The following RAE1 variants were observed in gnomAD, a reference collection of about 807,000 sequenced individuals.
RAE1 encodes mRNA export factor RAE1.
Under a neutral mutation model 52.7 loss-of-function variants are expected in RAE1, and 13 were observed. The observed-to-expected ratio is 0.25, with a 90% CI of 0.16 to 0.39. The LOEUF is 0.39. Ranked by LOEUF, RAE1 falls within the 10% of genes least tolerant of loss-of-function variation. The pLI is 1.00. For synonymous variants in RAE1, 164 were observed against 153.1 expected (o/e 1.07, Z -0.52); for missense variants, 262 against 459.8 (o/e 0.57, Z 3.93).
chr20:57,360,744 G>T (rs6092465), intron 4 of RAE1, among the ~76,000 whole-genome samples: 6,170 of 152,150 alleles, frequency 0.041, 191 homozygotes, highest in African/African-American at 0.091. Flanking sequence ...CCATGGTGGC[G>T]GGCACGAAAT....
chr20:57,367,427 C>T (rs1364780746), intron 7 of RAE1, among the ~76,000 whole-genome samples: 6 of 152,112 alleles, frequency 3.9e-5, no homozygotes, highest in African/African-American at 7.2e-5. Context: ...TCTTTGGGGA[C>T]TGTTTCTGAG....
chr20:57,358,304 G>A (rs1477507354), intron 4 of RAE1: 1 of 152,236 alleles, frequency 6.6e-6, no homozygotes, highest in African/African-American at 2.4e-5. Flanking sequence ...TTCATTCGAT[G>A]AGTGTAAGGA....
intron 1 of RAE1, among the ~76,000 whole-genome samples, chr20:57,353,496 T>A (rs1489196207): frequency 6.6e-6 from 1 of 152,220 alleles, no homozygotes; most frequent in Non-Finnish European, 1.5e-5. Context: ...TTAAAACTTT[T>A]ACGAAGAAAT....
At chr20:57,355,620 A>G (rs2066774220) in intron 3 of RAE1, among the ~76,000 whole-genome samples, 1 of 152,226 alleles carries the variant, frequency 6.6e-6, no homozygotes, top group South Asian at 2.1e-4. Flanking sequence ...AACCTTTATA[A>G]CAGCCAAAGC....
intron 8 of RAE1, among the ~76,000 whole-genome samples, chr20:57,370,709 C>T (rs2067024153): frequency 6.6e-6 from 1 of 152,226 alleles, no homozygotes; most frequent in Non-Finnish European, 1.5e-5. Context: ...CTACTTTATA[C>T]GTATGTATGG....
chr20:57,366,033 C>CA (rs573796470), intron 5 of RAE1, among the ~76,000 whole-genome samples: 98 of 152,252 alleles, frequency 6.4e-4, no homozygotes, highest in Middle Eastern at 3.4e-3. Flanking sequence ...TTCAGGAAGG[C>CA]ACTGCATACT....
chr20:57,358,797 CACTT>C (rs2066840595), intron 4 of RAE1: 1 of 434,722 alleles, frequency 2.3e-6, no homozygotes, highest in Non-Finnish European at 4.0e-6. Context: ...TGTAATAACT[CACTT>C]AGACTTGTGT....
rs908834442 is a variant in RAE1 at position 57,375,800 on chromosome 20, C to G, written c.1020+999C>G. Reference sequence around the variant, plus strand: ...TCCAGTCCAGAAGCTTCCTTTCTGTCTGTGCCGGTCACTCACCCGTCCCTT... The same window carrying G: ...TCCAGTCCAGAAGCTTCCTTTCTGTGTGTGCCGGTCACTCACCCGTCCCTT... On this transcript the variant is annotated intron_variant, in intron 11 of 11. Coordinates refer to ENST00000395841, the MANE Select transcript of RAE1 (RefSeq NM_003610.4). Among the ~76,000 whole-genome samples the G allele has an allele frequency of 2.6e-5, 4 of 152,324 alleles. No individual in the cohort carries two copies. In the South Asian group the frequency reaches 8.3e-4, roughly 32 times the overall value.
rs748216970 is a variant in RAE1, at chr20:57,366,906, G to A, written c.462+13G>A. 3.1e-6 allele frequency: 5 copies of A among 1,602,134 alleles called. No individual in the cohort carries two copies. Among genetic ancestry groups the A allele is most frequent in the South Asian group, 1.1e-5 (1 of 90,830 alleles). On this transcript the variant is annotated intron_variant, in intron 6 of 11. Coordinates refer to ENST00000395841, the MANE Select transcript of RAE1 (RefSeq NM_003610.4). ...TAAGACTTTAAAGGTATAATGTGCA[G>A]TTGAGGCATTGTTTGGCCCCATCAG...
chr20:57,362,471 GTA>G (rs1271918529), intron 4 of RAE1, among the ~76,000 whole-genome samples: 1 of 152,210 alleles, frequency 6.6e-6, no homozygotes, highest in Non-Finnish European at 1.5e-5. Context: ...CATTTCTAAT[GTA>G]TTTTGTCTGT....
intron 4 of RAE1, chr20:57,358,988 G>A: frequency 6.6e-7 from 1 of 1,509,210 alleles, no homozygotes; most frequent in Admixed American, 2.1e-5. Context: ...TTCACGGATA[G>A]ATCAATTTCA....
intron 1 of RAE1, 94 bp from the exon 2 acceptor site, chr20:57,353,938 T>G: frequency 8.9e-7 from 1 of 1,120,782 alleles, no homozygotes; most frequent in East Asian, 2.4e-5. Context: ...CAAGCCACTT[T>G]GAGTATTTCT....
At position 57,369,598 on chromosome 20, in the gene RAE1, G is replaced by C. The variant is rs2067005929; in HGVS notation, c.642+786G>C. Among the ~76,000 whole-genome samples, 3 of 152,132 alleles carry C rather than the reference G, an allele frequency of 2.0e-5. No homozygotes were observed. The South Asian group carries it at 6.2e-4, about 31-fold the overall frequency. ...GTCTATTTTGGGGCAAAATATTTTG[G>C]TTTCCTTGAGAATAAAATTACACAT... On this transcript the variant is annotated intron_variant, in intron 8 of 11. Coordinates refer to ENST00000395841, the MANE Select transcript of RAE1 (RefSeq NM_003610.4).
chr20:57,354,850 ATC>A (rs757416573), intron 3 of RAE1, 34 bp downstream of exon 3: 13 of 1,487,870 alleles, frequency 8.7e-6, no homozygotes, highest in Non-Finnish European at 1.2e-5. Flanking sequence ...TCTAGAAATC[ATC>A]TCTCTTTGTA....
chr20:57,366,176 C>T (rs114432966), intron 5 of RAE1, among the ~76,000 whole-genome samples: 13 of 152,164 alleles, frequency 8.5e-5, no homozygotes, highest in South Asian at 2.1e-4. Flanking sequence ...TACTTTCACT[C>T]GCACATATGT....
intron 8 of RAE1, among the ~76,000 whole-genome samples, chr20:57,369,977 G>T (rs529315007): frequency 6.6e-6 from 1 of 152,084 alleles, no homozygotes; most frequent in African/African-American, 2.4e-5. Context: ...CTCAGGAACC[G>T]TATGCAGAGT....
intron 8 of RAE1, chr20:57,372,773 G>T (rs991099637): frequency 2.0e-5 from 3 of 152,254 alleles, no homozygotes; most frequent in Non-Finnish European, 4.4e-5. Flanking sequence ...GAACTCACAC[G>T]GAAGCTCAGA....
intron 5 of RAE1, 109 bp from the exon 6 acceptor site, chr20:57,366,698 A>G: frequency 3.7e-6 from 4 of 1,068,016 alleles, no homozygotes; most frequent in East Asian, 2.6e-5. Context: ...TTTGTTTGGT[A>G]TGGCCCCAGT....
chr20:57,376,712 G>C (rs575298132), intron 11 of RAE1, among the ~76,000 whole-genome samples: 29 of 152,324 alleles, frequency 1.9e-4, no homozygotes, highest in African/African-American at 6.7e-4. Flanking sequence ...TGTGGCGTGC[G>C]TGGAGCCCGA....
Sources: gnomAD v4.1 joint callset for allele counts (sites outside exome capture counted in the v4.1 genomes callset) on GRCh38, gnomAD v4.1.1 for gene constraint, MANE v1.5 for transcripts, NCBI Gene and HGNC (gene_info 2026-07-23, HGNC 2026-07-21) for gene names.